The following ZNF782 variants were observed in gnomAD, a reference collection of about 807,000 sequenced individuals.
ZNF782 encodes the protein zinc finger protein 782.
Under a neutral mutation model 13.0 loss-of-function variants are expected in ZNF782, and 12 were observed. The observed-to-expected ratio is 0.92, with a 90% CI of 0.59 to 1.50. The LOEUF (loss-of-function observed/expected upper bound fraction) is 1.50. Ranked by LOEUF, ZNF782 falls within the 40% of genes most tolerant of loss-of-function variation. The pLI is 0.00. For missense variants in ZNF782, 770 were observed against 822.9 expected, an observed-to-expected ratio of 0.94 and a Z score of 0.79; for synonymous variants, 284 against 283.0, an observed-to-expected ratio of 1.00 and a Z score of -0.04.
chr9:96,907,008 C>T, the ZNF782 span, among the ~76,000 whole-genome samples: 1 of 151,906 alleles, frequency 6.6e-6, no homozygotes, highest in East Asian at 1.9e-4. Flanking sequence ...ATATATTTCA[C>T]AGTACAACAA....
the ZNF782 span, among the ~76,000 whole-genome samples, chr9:96,925,028 A>C: frequency 0.05 from 7,655 of 152,202 alleles, 552 homozygotes; most frequent in African/African-American, 0.16. Flanking sequence ...ATCACAAATA[A>C]CTTTATTTTT....
chr9:96,925,432 G>A, the ZNF782 span, among the ~76,000 whole-genome samples: 1 of 152,140 alleles, frequency 6.6e-6, no homozygotes, highest in African/African-American at 2.4e-5. Flanking sequence ...GAGGTCGGGG[G>A]TTCGAGACCA....
the ZNF782 span, among the ~76,000 whole-genome samples, chr9:96,883,587 C>T: frequency 6.6e-5 from 10 of 152,190 alleles, no homozygotes; most frequent in Non-Finnish European, 1.3e-4. Context: ...TATTTTTGAG[C>T]CCTAGACACA....
intron 2 of ZNF782, among the ~76,000 whole-genome samples, chr9:96,852,242 T>C (rs1483210956): frequency 2.0e-5 from 3 of 152,236 alleles, no homozygotes; most frequent in Admixed American, 6.5e-5. Flanking sequence ...CTTTTCCCAA[T>C]TGATTTAACA....
At chr9:96,838,672 G>T (rs1851081874) in intron 4 of ZNF782, among the ~76,000 whole-genome samples, 1 of 149,642 alleles carries the variant, frequency 6.7e-6, no homozygotes, top group African/African-American at 2.5e-5. Context: ...GAAATTAATA[G>T]TTATTTCAAT....
the ZNF782 span, chr9:96,890,271 A>T: frequency 6.6e-6 from 1 of 152,390 alleles, no homozygotes; most frequent in African/African-American, 2.4e-5. Context: ...TGTGCCACCC[A>T]GGTCTTCCTC....
intron 1 of ZNF782, among the ~76,000 whole-genome samples, chr9:96,874,656 G>A (rs1243447683): frequency 2.6e-5 from 4 of 152,206 alleles, no homozygotes; most frequent in African/African-American, 9.7e-5. Flanking sequence ...GCTCCGTCCT[G>A]TCTGGGCTTT....
intron 3 of ZNF782, among the ~76,000 whole-genome samples, chr9:96,846,194 A>G (rs1280541488): frequency 6.6e-6 from 1 of 152,206 alleles, no homozygotes; most frequent in Non-Finnish European, 1.5e-5. Context: ...TGCTAAAAAG[A>G]GTTCTAAACC....
the ZNF782 span, among the ~76,000 whole-genome samples, chr9:96,898,468 C>T: frequency 6.7e-6 from 1 of 148,738 alleles, no homozygotes; most frequent in African/African-American, 2.5e-5. Context: ...TCTACATTGT[C>T]AATGAAGTAT....
At chr9:96,858,106 AAAAAT>A (rs1222697775), upstream of ZNF782, among the ~76,000 whole-genome samples, 13 of 152,218 alleles carry the variant, frequency 8.5e-5, no homozygotes, top group Non-Finnish European at 1.9e-4. The surrounding 1 kb of genome is among the most constrained non-coding windows in gnomAD (Gnocchi z 4.4). Context: ...CTAGACTGTG[AAAAAT>A]GTGTAGCTTC....
intron 1 of ZNF782, among the ~76,000 whole-genome samples, chr9:96,853,506 A>G (rs1383069930): frequency 6.6e-6 from 1 of 152,218 alleles, no homozygotes; most frequent in Non-Finnish European, 1.5e-5. Flanking sequence ...AAACCATGTT[A>G]GTGGCAAAAA....
At chr9:96,916,728 C>G in the ZNF782 span, among the ~76,000 whole-genome samples, 1 of 151,228 alleles carries the variant, frequency 6.6e-6, no homozygotes, top group Non-Finnish European at 1.5e-5. Context: ...ATCCCACTCA[C>G]CTAGACCTGG....
At position 96,818,117 on chromosome 9, in the gene ZNF782, G is replaced by A. The variant is rs755870762; in HGVS notation, c.1906C>T (p.His636Tyr). Reference sequence around the variant, plus strand: ...TTCTCCCCGGTGTGAGTTCGCTGATGTTTTCTTAGGACTGACTTCTCACTG... The same window carrying A: ...TTCTCCCCGGTGTGAGTTCGCTGATATTTTCTTAGGACTGACTTCTCACTG... ...AFSEKSVLRK[H>Y]QRTHTGEKPY... is the part of the protein sequence containing the mutation. The change falls in exon 6 of 6, where the codon CAT (histidine) becomes TAT (tyrosine). Residue 636 changes from histidine to tyrosine, a missense_variant. Physicochemically the swap from His to Tyr is moderately conservative, Grantham distance 83 (BLOSUM62 2). Transcript: ENST00000481138. 1.2e-6 allele frequency: 2 copies of A among 1,614,028 alleles called. No individual in the cohort carries two copies. Among genetic ancestry groups the A allele is most frequent in the Non-Finnish European group, 1.7e-6 (2 of 1,179,978 alleles).
intron 1 of ZNF782, among the ~76,000 whole-genome samples, chr9:96,866,589 C>T (rs1045432412): frequency 3.9e-5 from 6 of 152,192 alleles, no homozygotes; most frequent in Admixed American, 3.9e-4. Flanking sequence ...AGAGTCGCTA[C>T]CTGGGCACCG....
At chr9:96,827,612 T>G (rs1325925164) in intron 4 of ZNF782, among the ~76,000 whole-genome samples, 1 of 152,180 alleles carries the variant, frequency 6.6e-6, no homozygotes. Context: ...AAAAACATTT[T>G]CTTATTCTCA....
the ZNF782 span, among the ~76,000 whole-genome samples, chr9:96,931,430 G>C: frequency 6.6e-6 from 1 of 151,920 alleles, no homozygotes; most frequent in East Asian, 1.9e-4. Flanking sequence ...ATGCCTGTGA[G>C]GCTGGTGCAG....
the ZNF782 span, among the ~76,000 whole-genome samples, chr9:96,907,397 C>G: frequency 1.3e-5 from 2 of 151,866 alleles, no homozygotes; most frequent in Non-Finnish European, 2.9e-5. Flanking sequence ...TTTTGCAAGA[C>G]GAAAAAGTTC....
chr9:96,880,489 A>T (rs986138202), upstream of ZNF782, among the ~76,000 whole-genome samples: 3 of 152,206 alleles, frequency 2.0e-5, no homozygotes, highest in Admixed American at 2.0e-4. Flanking sequence ...TTATTATTAT[A>T]AATGGATGTT....
the ZNF782 span, among the ~76,000 whole-genome samples, chr9:96,902,341 T>C: frequency 7.2e-6 from 1 of 138,958 alleles, no homozygotes; most frequent in African/African-American, 3.1e-5. Context: ...GGAGAATTGC[T>C]TGAACCTGGG....
Sources: gnomAD v4.1 joint callset for allele counts (sites outside exome capture counted in the v4.1 genomes callset) on GRCh38, gnomAD v4.1.1 for gene constraint, Gnocchi (gnomAD v3.1) non-coding constraint, MANE v1.5 for transcripts, NCBI Gene and HGNC (gene_info 2026-07-23, HGNC 2026-07-21) for gene names.